DLG2: variants seen among roughly 807,000 people sequenced by gnomAD.
DLG2 encodes disks large homolog 2.
DLG2 carries 45 observed loss-of-function variants against 132.5 expected under a neutral mutation model. That is an observed-to-expected ratio of 0.34 (90% CI 0.27 to 0.44). The LOEUF is 0.44. DLG2 is among the 20% of genes least tolerant of loss of function. The pLI, the probability that DLG2 is intolerant of heterozygous loss-of-function variation, is 1.00. For synonymous variants in DLG2, 424 were observed against 419.6 expected, an observed-to-expected ratio of 1.01 and a Z score of -0.13; for missense variants, 1,045 against 1,196.9, an observed-to-expected ratio of 0.87 and a Z score of 1.87.
At chr11:84,702,803 T>C (rs2059345997) in intron 6 of DLG2, among the ~76,000 whole-genome samples, 1 of 151,682 alleles carries the variant, frequency 6.6e-6, no homozygotes, top group African/African-American at 2.4e-5. Context: ...TCCACTATAC[T>C]ATAAACTCCA....
chr11:83,853,392 T>G (rs11607326), intron 16 of DLG2, among the ~76,000 whole-genome samples: 2 of 151,946 alleles, frequency 1.3e-5, no homozygotes, highest in Admixed American at 6.6e-5. Flanking sequence ...ACACTCTATC[T>G]TTTTATCCAT....
intron 23 of DLG2, among the ~76,000 whole-genome samples, chr11:83,472,214 T>C (rs2092128658): frequency 6.6e-6 from 1 of 152,164 alleles, no homozygotes; most frequent in Non-Finnish European, 1.5e-5. Flanking sequence ...TATCTGGGAT[T>C]AGAAGGAACC....
At chr11:84,601,158 A>C (rs555159757) in intron 6 of DLG2, among the ~76,000 whole-genome samples, 48 of 152,222 alleles carry the variant, frequency 3.2e-4, no homozygotes, top group African/African-American at 9.4e-4. Context: ...AATAAGGAGA[A>C]ATTATATTTG....
intron 6 of DLG2, among the ~76,000 whole-genome samples, chr11:84,591,643 A>G (rs1332024767): frequency 6.6e-6 from 1 of 151,954 alleles, no homozygotes. Context: ...CCTAGGCAAC[A>G]GAGCAAGACT....
chr11:83,872,760 AG>A (rs2063723797), intron 16 of DLG2, among the ~76,000 whole-genome samples: 1 of 152,230 alleles, frequency 6.6e-6, no homozygotes, highest in South Asian at 2.1e-4. Context: ...TCATAGTTGA[AG>A]GAAGTCTACT....
At chr11:85,487,989 C>T (rs1266281111) in intron 3 of DLG2, among the ~76,000 whole-genome samples, 1 of 152,136 alleles carries the variant, frequency 6.6e-6, no homozygotes, top group Non-Finnish European at 1.5e-5. Flanking sequence ...AGGGTGGTTT[C>T]CCCATACTGC....
chr11:84,154,100 C>T (rs912413300), intron 9 of DLG2, among the ~76,000 whole-genome samples: 11 of 152,072 alleles, frequency 7.2e-5, no homozygotes, highest in East Asian at 1.9e-4. Context: ...TGGGTTTAAG[C>T]GATTCTCATG....
chr11:84,671,611 G>T (rs2099705994), intron 6 of DLG2, among the ~76,000 whole-genome samples: 1 of 152,144 alleles, frequency 6.6e-6, no homozygotes, highest in African/African-American at 2.4e-5. Flanking sequence ...TATTGCCCAT[G>T]TGCATGTGCT....
chr11:85,548,374 G>A (rs1180060476), intron 3 of DLG2, among the ~76,000 whole-genome samples: 2 of 152,324 alleles, frequency 1.3e-5, no homozygotes, highest in East Asian at 3.9e-4. Flanking sequence ...TCGTCCCAGA[G>A]GGGCACCCGC....
intron 6 of DLG2, among the ~76,000 whole-genome samples, chr11:84,672,721 T>C (rs1254982379): frequency 2.6e-5 from 4 of 152,242 alleles, no homozygotes; most frequent in East Asian, 1.9e-4. Context: ...AATACAGCTC[T>C]GATAGTTAAA....
At chr11:83,486,033 A>T (rs907515020) in intron 21 of DLG2, 34 of 428,752 alleles carry the variant, frequency 7.9e-5, no homozygotes, top group Non-Finnish European at 1.2e-4. Context: ...GAGGGAAAAG[A>T]GGTATCACTT....
intron 6 of DLG2, among the ~76,000 whole-genome samples, chr11:84,870,463 T>C (rs568641224): frequency 6.6e-6 from 1 of 152,340 alleles, no homozygotes; most frequent in Admixed American, 6.5e-5. Flanking sequence ...TATGGTTCCT[T>C]TCCTCCCCGA....
intron 11 of DLG2, among the ~76,000 whole-genome samples, chr11:84,027,267 A>C (rs1202626115): frequency 1.3e-5 from 2 of 152,136 alleles, no homozygotes; most frequent in African/African-American, 2.4e-5. Flanking sequence ...TAGAAAAATA[A>C]AAGCAGAGTT....
chr11:83,551,140 G>A (rs553390426), intron 19 of DLG2, among the ~76,000 whole-genome samples: 21 of 152,238 alleles, frequency 1.4e-4, no homozygotes. Flanking sequence ...TATGAAAAAT[G>A]AGGGGCAAGA....
chr11:83,604,604 A>T (rs190805204), intron 19 of DLG2, among the ~76,000 whole-genome samples: 10 of 152,310 alleles, frequency 6.6e-5, no homozygotes, highest in African/African-American at 2.4e-4. Flanking sequence ...AAAGCCATGT[A>T]TTGTTCAATA....
At chr11:83,617,809 C>T (rs2061059393) in intron 19 of DLG2, among the ~76,000 whole-genome samples, 1 of 152,066 alleles carries the variant, frequency 6.6e-6, no homozygotes, top group South Asian at 2.1e-4. Flanking sequence ...ACAGCCTGAC[C>T]AACATGGTGA....
At chr11:85,557,566 C>T (rs2077005799) in intron 3 of DLG2, among the ~76,000 whole-genome samples, 1 of 151,840 alleles carries the variant, frequency 6.6e-6, no homozygotes, top group Non-Finnish European at 1.5e-5. Flanking sequence ...CACCCTAAAG[C>T]TACAGTACCA....
At chr11:85,427,241 G>C (rs566373649) in intron 3 of DLG2, among the ~76,000 whole-genome samples, 1 of 152,240 alleles carries the variant, frequency 6.6e-6, no homozygotes, top group East Asian at 1.9e-4. Context: ...ATCTAGCAAG[G>C]CAGGCCAACA....
chr11:84,677,426 T>C (rs896930552), intron 6 of DLG2, among the ~76,000 whole-genome samples: 1 of 151,960 alleles, frequency 6.6e-6, no homozygotes, highest in Non-Finnish European at 1.5e-5. Flanking sequence ...TAAGAAATAG[T>C]AGGAAAAAAA....
Sources: gnomAD v4.1 joint callset for allele counts (sites outside exome capture counted in the v4.1 genomes callset) on GRCh38, gnomAD v4.1.1 for gene constraint, MANE v1.5 for transcripts, NCBI Gene and HGNC (gene_info 2026-07-23, HGNC 2026-07-21) for gene names.